MICAL1: variants seen among roughly 807,000 people sequenced by gnomAD.
MICAL1 encodes the protein [F-actin]-monooxygenase MICAL1.
Under a neutral mutation model 131.8 loss-of-function variants are expected in MICAL1, and 95 were observed. The observed-to-expected ratio is 0.72, with a 90% CI of 0.61 to 0.86. The LOEUF (loss-of-function observed/expected upper bound fraction) is 0.86, where lower values mean the gene tolerates loss of function less well. Among genes scored for constraint, MICAL1 ranks in the 40% least tolerant of loss-of-function variants. The pLI, the probability that MICAL1 is intolerant of heterozygous loss-of-function variation, is 0.00. For missense variants in MICAL1, 1,292 were observed against 1,380.6 expected (o/e 0.94, Z 1.02); for synonymous variants, 546 against 554.2 (o/e 0.99, Z 0.21).
chr6:109,451,882 C>T, intron 6 of MICAL1, 182 bp from the exon 7 acceptor site: 1 of 1,402,284 alleles, frequency 7.1e-7, no homozygotes, highest in East Asian at 2.7e-5. Context: ...GCCCAGGAGG[C>T]CTGAGGACTT....
intron 11 of MICAL1, chr6:109,449,173 CG>C: frequency 1.5e-6 from 1 of 681,520 alleles, no homozygotes; most frequent in Non-Finnish European, 2.6e-6. Flanking sequence ...ATGGCTGTAA[CG>C]GTGGTTCAAA....
chr6:109,445,696 G>GGACCA lies in MICAL1; in HGVS notation c.2673+74_2673+75insTGGTC. The GGACCA allele has an allele frequency of 3.9e-6, 6 of 1,537,198 alleles. No individual in the cohort carries two copies. In the Middle Eastern group the frequency reaches 7.5e-4, roughly 192 times the overall value. Reference sequence around the variant, plus strand: ...AAGTGAGAAGACATTCCAAGAGAAGGGTGCAGTGGACCAGTGCAGGTTTCT... The same window carrying GGACCA: ...AAGTGAGAAGACATTCCAAGAGAAGGGACCAGTGCAGTGGACCAGTGCAGGTTTCT... On this transcript the variant is annotated intron_variant, in intron 20 of 24. Coordinates refer to ENST00000358807, the MANE Select transcript of MICAL1 (RefSeq NM_022765.4).
At chr6:109,445,026 A>G in intron 22 of MICAL1, 31 bp from the exon 23 acceptor site, 1 of 1,609,296 alleles carries the variant, frequency 6.2e-7, no homozygotes, top group South Asian at 1.1e-5. Context: ...TAGGGTGATC[A>G]GGAGGCTTCC....
upstream of MICAL1, chr6:109,455,785 G>C: frequency 3.2e-6 from 1 of 313,590 alleles, no homozygotes; most frequent in Non-Finnish European, 4.1e-6. This position sits in a 1 kb window ranked among gnomAD's most constrained non-coding sequence, Gnocchi z 4.7. Flanking sequence ...GCGGGTGGGA[G>C]GGCGGGGGCG....
Position 109,448,810 on chromosome 6 carries a change from T to C in MICAL1, c.1586A>G (p.His529Arg), listed in dbSNP as rs1163144096. Residue 529 changes from histidine (H) to arginine (R), a missense_variant, in exon 12 of 25, where the codon CAC becomes CGC. By Grantham distance (29) the His-to-Arg change is conservative. Transcript: ENST00000358807. Reference protein sequence around the residue: ...QEQTAGYPGVHVSDLSSSWAD... With the variant: ...QEQTAGYPGVRVSDLSSSWAD... ...CCAGGAGGAAGACAAATCGGAGACG[T>C]GGACTCCCGGGTACCCAGCTGTCTG... 8 of 1,614,030 alleles carry C rather than the reference T, an allele frequency of 5.0e-6. No individual in the cohort carries two copies. The highest frequency in any genetic ancestry group is 5.9e-6 in the Non-Finnish European group (7 of 1,179,984).
At chr6:109,447,770 T>C in intron 14 of MICAL1, 48 bp from the exon 15 acceptor site, 1 of 1,613,374 alleles carries the variant, frequency 6.2e-7, no homozygotes, top group Non-Finnish European at 8.5e-7. Flanking sequence ...GAGGTCCCAG[T>C]CCTCCCCACT....
Position 109,453,978 on chromosome 6 carries a change from C to T in MICAL1, c.219G>A (p.Gln73=), listed in dbSNP as rs779511840. 6.2e-7 allele frequency: 1 copy of T among 1,614,022 alleles called. No homozygotes were observed. Among genetic ancestry groups the T allele is most frequent in the Non-Finnish European group, 8.5e-7 (1 of 1,180,032 alleles). The change falls in exon 2 of 25, where the codon CAG becomes CAA. Residue 73 remains glutamine (Q), a synonymous_variant. Transcript: ENST00000358807. ...AGGCCCGGCCCTGCTGGTAGACAGG[C>T]TGGCCTGCTCGCTTGTCCAGCTTGG... ...LWTKLDKRAG[Q]PVYQQGRACT...
intron 7 of MICAL1, 128 bp from the exon 8 acceptor site, chr6:109,450,685 A>C: frequency 9.6e-7 from 1 of 1,042,982 alleles, no homozygotes; most frequent in Non-Finnish European, 1.3e-6. Context: ...CCTAGACTAC[A>C]CAGCAGTTGA....
At chr6:109,444,482 G>A in intron 24 of MICAL1, 143 bp from the exon 25 acceptor site, 1 of 1,259,026 alleles carries the variant, frequency 7.9e-7, no homozygotes. Flanking sequence ...CAACACCAGT[G>A]GTTTTCTAGC....
At chr6:109,447,998 G>C (rs991716764) in intron 13 of MICAL1, 35 bp from the exon 14 acceptor site, 1 of 1,567,224 alleles carries the variant, frequency 6.4e-7, no homozygotes, top group Non-Finnish European at 8.7e-7. Flanking sequence ...TGTGGATGGG[G>C]GGTGCCAATA....
upstream of MICAL1, chr6:109,456,136 G>A (rs1775739077): frequency 3.4e-6 from 2 of 591,858 alleles, no homozygotes; most frequent in African/African-American, 2.0e-5. Flanking sequence ...CCTCGGCCTG[G>A]GCTCCTTGCC....
At position 109,453,511 on chromosome 6, in the gene MICAL1, ATCT is replaced by A. The variant is rs2115338767; in HGVS notation, c.466+124_466+126del. 2.7e-6 allele frequency: 4 copies of A among 1,500,428 alleles called. No homozygotes were observed. The South Asian group carries it at 5.1e-5, about 19-fold the overall frequency. The allele number at this position is 1,500,428 out of a possible 1,614,324, so 92.9% of individuals were successfully genotyped here. ...GCCCACTTATAGATGGGGGACCTGA[ATCT>A]TCAAGGTCACCTGGCTGATACGGAT... On this transcript the variant is annotated intron_variant, in intron 3 of 24. Coordinates refer to ENST00000358807, the MANE Select transcript of MICAL1 (RefSeq NM_022765.4).
At chr6:109,460,755 TAA>T (rs1299905551), upstream of MICAL1, among the ~76,000 whole-genome samples, 4 of 152,150 alleles carry the variant, frequency 2.6e-5, no homozygotes, top group Admixed American at 2.6e-4. Flanking sequence ...TTTCAATTCT[TAA>T]GAGTTTAGGC....
intron 7 of MICAL1, among the ~76,000 whole-genome samples, chr6:109,451,314 C>T (rs777573561): frequency 4.6e-5 from 7 of 152,050 alleles, no homozygotes; most frequent in Admixed American, 3.3e-4. Context: ...CCAACAAGCC[C>T]AGCTAATTTT....
Position 109,446,381 on chromosome 6 carries a change from G to A in MICAL1, c.2336C>T (p.Pro779Leu), listed in dbSNP as rs778292581. ...ELPTPSENSMPPGLSTPTASQ... is the reference protein window; with the variant it reads ...ELPTPSENSMLPGLSTPTASQ... Reference sequence around the variant, plus strand: ...GGCTGTGGGAGTTGAGAGGCCTGGTGGCATGCTATTCTCACTTGGTGTGGG... The same window carrying A: ...GGCTGTGGGAGTTGAGAGGCCTGGTAGCATGCTATTCTCACTTGGTGTGGG... Residue 779 changes from proline (P) to leucine (L), a missense_variant, in exon 19 of 25, where the codon CCA becomes CTA. Transcript: ENST00000358807. The A allele has an allele frequency of 3.7e-6, 6 of 1,614,028 alleles. No individual in the cohort carries two copies. The highest frequency in any genetic ancestry group is 2.7e-5 in the African/African-American group (2 of 74,940).
rs765464483 is a variant in MICAL1 at position 109,452,531 on chromosome 6, C to T, written c.656G>A (p.Gly219Glu). 1 of 1,614,052 alleles carries T rather than the reference C, an allele frequency of 6.2e-7. No homozygotes were observed. The highest frequency in any genetic ancestry group is 1.1e-5 in the South Asian group (1 of 91,068). Residue 219 changes from glycine (G) to glutamate (E), a missense_variant, in exon 5 of 25, where the codon GGA (glycine) becomes GAA (glutamate). By Grantham distance (98) the Gly-to-Glu change is moderately conservative (BLOSUM62 -2). Transcript: ENST00000358807. Reference protein sequence around the residue: ...YEFDVLISAAGGKFVPEGFKV... With the variant: ...YEFDVLISAAEGKFVPEGFKV... ...CTCACCTTCAGGGACGAATTTACCT[C>T]CTGCAGCCGAGATAAGGACGTCAAA...
chr6:109,444,699 T>C (rs749147077), intron 24 of MICAL1, 26 bp downstream of exon 24: 2 of 1,613,148 alleles, frequency 1.2e-6, no homozygotes, highest in Non-Finnish European at 1.7e-6. Context: ...CTGGGATGTG[T>C]CTGCTTCTCC....
rs1251908378 is a variant in MICAL1, at chr6:109,454,225, G to A, written c.-29C>T. The A allele has an allele frequency of 6.4e-7, 1 of 1,573,042 alleles. No homozygotes were observed. The highest frequency in any genetic ancestry group is 8.6e-7 in the Non-Finnish European group (1 of 1,159,156). ...GGCCTCCTGGGGAGGGCAGCAGCTG[G>A]GCAGAGATGAGTGGCTGGAGAGGTG... On this transcript the variant is annotated 5_prime_UTR_variant, in exon 2 of 25. Transcript: ENST00000358807.
At position 109,448,079 on chromosome 6, in the gene MICAL1, C is replaced by T. The variant is rs187964996; in HGVS notation, c.1856-116G>A. ...CTCTCCCAGGCTGGCCCTCAGAGGG[C>T]GCCTTCTTCCTCTTTCTGACACACA... On this transcript the variant is annotated intron_variant, in intron 13 of 24. Transcript: ENST00000358807. The T allele has an allele frequency of 2.1e-4, 292 of 1,395,850 alleles. 1 individual carries two copies. Among genetic ancestry groups the T allele is most frequent in the Middle Eastern group, 2.1e-3 (8 of 3,868 alleles). 86.5% of individuals were successfully genotyped at this position (1,395,850 alleles called of 1,614,324 possible).
Sources: gnomAD v4.1 joint callset for allele counts (sites outside exome capture counted in the v4.1 genomes callset) on GRCh38, gnomAD v4.1.1 for gene constraint, Gnocchi (gnomAD v3.1) non-coding constraint, MANE v1.5 for transcripts, NCBI Gene and HGNC (gene_info 2026-07-23, HGNC 2026-07-21) for gene names.